KRT33A: variants seen among roughly 807,000 people sequenced by gnomAD.
The protein encoded by KRT33A is keratin, type I cuticular Ha3-I.
Under a neutral mutation model 41.1 loss-of-function variants are expected in KRT33A, and 44 were observed. That is an observed-to-expected ratio of 1.07 (90% CI 0.84 to 1.38). The LOEUF is 1.38. KRT33A is among the 40% of genes most tolerant of loss of function. KRT33A has a pLI of 0.00. For missense variants in KRT33A, 536 were observed against 518.5 expected, an observed-to-expected ratio of 1.03 and a Z score of -0.33; for synonymous variants, 229 against 227.8, an observed-to-expected ratio of 1.01 and a Z score of -0.05.
chr17:41,347,736 T>C (rs2017446379), intron 3 of KRT33A, among the ~76,000 whole-genome samples: 1 of 152,236 alleles, frequency 6.6e-6, no homozygotes, highest in African/African-American at 2.4e-5. Context: ...TCTGTTTACT[T>C]CCCTGCTAAG....
intron 1 of KRT33A, among the ~76,000 whole-genome samples, 153 bp from the exon 2 acceptor site, chr17:41,349,581 TTA>T (rs2017475701): frequency 6.6e-6 from 1 of 152,008 alleles, no homozygotes; most frequent in Non-Finnish European, 1.5e-5. Flanking sequence ...ATTTCCAAAA[TTA>T]TATTCAAAAA....
In KRT33A at chr17:41,350,782, G is replaced by A. The variant is rs900287712; in HGVS notation, c.-15C>T. 1.9e-6 allele frequency: 3 copies of A among 1,601,934 alleles called. No individual in the cohort carries two copies. Among genetic ancestry groups the A allele is most frequent in the Non-Finnish European group, 2.6e-6 (3 of 1,174,464 alleles). ...CTGTAAGACATGGTGCAGGGAGGGA[G>A]TGTCCAGCTGAAGACAGAGTCCAAA... On this transcript the variant is annotated 5_prime_UTR_variant, in exon 1 of 7. Coordinates refer to ENST00000007735, the MANE Select transcript of KRT33A (RefSeq NM_004138.4).
At chr17:41,346,411 C>G in intron 6 of KRT33A, 37 bp downstream of exon 6, 1 of 1,611,756 alleles carries the variant, frequency 6.2e-7, no homozygotes, top group Non-Finnish European at 8.5e-7. Flanking sequence ...AGCAACCTAA[C>G]ATGCCCCAAG....
In KRT33A at chr17:41,346,567, C is replaced by T. The variant is rs139567044; in HGVS notation, c.978G>A (p.Ala326=). 530 of 1,614,204 alleles carry T rather than the reference C, an allele frequency of 3.3e-4. 1 individual carries two copies. In the African/African-American group the frequency reaches 5.9e-3, roughly 18 times the overall value. Residue 326 remains alanine, a synonymous_variant, in exon 6 of 7, where the codon GCG becomes GCA. Coordinates refer to ENST00000007735, the MANE Select transcript of KRT33A (RefSeq NM_004138.4). ...RLITNVESQL[A]EIRSDLERQN... ...GCCGCTCCAGGTCACTGCGGATCTC[C>T]GCCAGCTGGGACTCCACGTTGGTGA...
chr17:41,349,328 C>T lies in KRT33A; in HGVS notation c.431+18G>A, dbSNP rs765115705. 6.2e-6 allele frequency: 10 copies of T among 1,612,874 alleles called. No homozygotes were observed. Among genetic ancestry groups the T allele is most frequent in the African/African-American group, 5.3e-5 (4 of 74,884 alleles). On this transcript the variant is annotated intron_variant, in intron 2 of 6. Coordinates refer to ENST00000007735, the MANE Select transcript of KRT33A (RefSeq NM_004138.4). ...CAGAGAAGAGAAATAAACAGCAACA[C>T]CCCGCTTGCCCACTCACTTGGTCCT...
At chr17:41,348,936 T>C (rs1423250801) in intron 2 of KRT33A, among the ~76,000 whole-genome samples, 1 of 152,030 alleles carries the variant, frequency 6.6e-6, no homozygotes, top group African/African-American at 2.4e-5. Context: ...ACCACTGCCC[T>C]CCAGCCTGGG....
rs200021364 is a variant in KRT33A, at chr17:41,350,455, A to G, written c.313T>C (p.Ser105Pro). The G allele has an allele frequency of 2.0e-5, 33 of 1,613,902 alleles. No individual in the cohort carries two copies. Among genetic ancestry groups the G allele is most frequent in the African/African-American group, 4.0e-5 (3 of 74,880 alleles). Residue 105 changes from serine (S) to proline (P), a missense_variant, in exon 1 of 7, where the codon TCC (serine) becomes CCC (proline). Ser to Pro is a moderately conservative substitution (Grantham distance 74). Transcript: ENST00000007735. ...QEPLVCASYQ[S>P]YFKTIEELQQ... ...AGCTCCTCAATGGTCTTGAAGTAGG[A>G]CTGGTAGCTGGCACACACCAAGGGC...
chr17:41,348,899 T>A lies in KRT33A; in HGVS notation c.432-260A>T, dbSNP rs7223041. ...TTGCTTGAGCCCAGGAGTCTGAGGA[T>A]CTGAAGTTACACTGAGCTATGATTG... On this transcript the variant is annotated intron_variant, in intron 2 of 6. Coordinates refer to ENST00000007735, the MANE Select transcript of KRT33A (RefSeq NM_004138.4). 0.12 allele frequency among the ~76,000 whole-genome samples: 18,420 copies of A among 152,054 alleles called. 1,537 individuals are homozygous for A. The highest frequency in any genetic ancestry group is 0.24 in the African/African-American group (10,113 of 41,448).
intron 3 of KRT33A, 82 bp from the exon 4 acceptor site, chr17:41,347,304 A>G: frequency 6.9e-7 from 1 of 1,456,256 alleles, no homozygotes; most frequent in South Asian, 1.5e-5. Context: ...ACTTCTGATC[A>G]TTCTTAAGCT....
intron 6 of KRT33A, 42 bp from the exon 7 acceptor site, chr17:41,346,278 G>T: frequency 6.3e-7 from 1 of 1,593,870 alleles, no homozygotes; most frequent in East Asian, 2.2e-5. Context: ...AGTAAAATGA[G>T]CTGAAGAGAT....
Position 41,348,516 on chromosome 17 carries a change from C to G in KRT33A, c.555G>C (p.Glu185Asp). The G allele has an allele frequency of 6.2e-7, 1 of 1,614,114 alleles. No individual in the cohort carries two copies. Among genetic ancestry groups the G allele is most frequent in the Non-Finnish European group, 8.5e-7 (1 of 1,180,030 alleles). ...DLEAQVESLK[E>D]ELLCLKQNHE... ...GGTTCTGCTTGAGGCACAGCAGCTCCTCCTTCAGGGACTCCACCTGGGCCT... is the reference window on the plus strand; with the variant it reads ...GGTTCTGCTTGAGGCACAGCAGCTCGTCCTTCAGGGACTCCACCTGGGCCT... The change falls in exon 3 of 7, where the codon GAG becomes GAC. Residue 185 changes from glutamate (E) to aspartate (D), a missense_variant. Coordinates refer to ENST00000007735, the MANE Select transcript of KRT33A (RefSeq NM_004138.4).
Position 41,348,499 on chromosome 17 carries a change from T to A in KRT33A, c.572A>T (p.Lys191Met). ...GGAACTCACCTGCTCATGGTTCTGC[T>A]TGAGGCACAGCAGCTCCTCCTTCAG... ...ESLKEELLCL[K>M]QNHEQEVNTL... is the part of the protein sequence containing the mutation. The change falls in exon 3 of 7, where the codon AAG becomes ATG. Residue 191 changes from lysine (K) to methionine (M), a missense_variant. Physicochemically the swap from Lys to Met is moderately conservative, Grantham distance 95. Transcript: ENST00000007735. The A allele has an allele frequency of 6.2e-7, 1 of 1,614,066 alleles. No individual in the cohort carries two copies. Among genetic ancestry groups the A allele is most frequent in the South Asian group, 1.1e-5 (1 of 91,068 alleles).
In KRT33A at chr17:41,347,201, G is replaced by A. The variant is rs1567664827; in HGVS notation, c.610C>T (p.Gln204Ter). The change falls in exon 4 of 7, where the codon CAG (glutamine) becomes TAG (stop). Residue 204 changes from glutamine to a stop codon, truncating the protein, a stop_gained. Coordinates refer to ENST00000007735, the MANE Select transcript of KRT33A (RefSeq NM_004138.4). LOFTEE classifies it high-confidence loss of function. Reference protein sequence around the residue: ...HEQEVNTLRCQLGDRLNVEVD... With the variant: ...HEQEVNTLRC ...TCCACGTTGAGGCGGTCTCCAAGCT[G>A]GCAGCGCAGGGTGTTAACCTCCTGA... is the stretch of plus-strand genomic sequence containing the variant. 5 of 1,612,072 alleles carry A rather than the reference G, an allele frequency of 3.1e-6. No homozygotes were observed. Among genetic ancestry groups the A allele is most frequent in the Non-Finnish European group, 3.4e-6 (4 of 1,179,400 alleles).
intron 4 of KRT33A, 26 bp from the exon 5 acceptor site, chr17:41,346,995 T>C (rs761734756): frequency 1.2e-6 from 2 of 1,613,166 alleles, no homozygotes; most frequent in East Asian, 4.5e-5. Context: ...GGAGAAAGGA[T>C]CAGACCCTGC....
chr17:41,346,313 G>A, intron 6 of KRT33A, 77 bp from the exon 7 acceptor site: 1 of 1,571,470 alleles, frequency 6.4e-7, no homozygotes, highest in Non-Finnish European at 8.7e-7. Context: ...AGGGCTTTGT[G>A]TAAGAATATT....
Position 41,350,742 on chromosome 17 carries a change from C to A in KRT33A, c.26G>T (p.Ser9Ile), listed in dbSNP as rs763991840. 3.7e-6 allele frequency: 6 copies of A among 1,611,762 alleles called. No individual in the cohort carries two copies. Among genetic ancestry groups the A allele is most frequent in the South Asian group, 2.2e-5 (2 of 90,970 alleles). The change falls in exon 1 of 7, where the codon AGC becomes ATC. Residue 9 changes from serine (S) to isoleucine (I), a missense_variant. Ser to Ile is a moderately radical substitution (Grantham distance 142, BLOSUM62 -2). Transcript: ENST00000007735. MSYSCGLPSLSCRTSCSSR... is the reference protein window; with the variant it reads MSYSCGLPILSCRTSCSSR... ...GGAGCAGCTGGTGCGGCAGCTCAGG[C>A]TGGGCAGGCCACAACTGTAAGACAT...
rs767231688 is a variant in KRT33A, at chr17:41,346,620, A to C, written c.925T>G (p.Ser309Ala). ...AGTCTCTGCACCTGGGACAGCTGGG[A>C]GCTGTAGCGGGCCTCGCTCTCTGTC... The part of the protein sequence containing the change: ...TLTESEARYS[S>A]QLSQVQRLIT... Residue 309 changes from serine (S) to alanine (A), a missense_variant, in exon 6 of 7, where the codon TCC becomes GCC. Ser to Ala is a moderately conservative substitution (Grantham distance 99). Transcript: ENST00000007735. The C allele has an allele frequency of 2.5e-5, 41 of 1,614,066 alleles. No individual in the cohort carries two copies. The Admixed American group carries it at 3.5e-4, about 14-fold the overall frequency.
intron 3 of KRT33A, among the ~76,000 whole-genome samples, chr17:41,348,171 G>T (rs1353778252): frequency 6.6e-6 from 1 of 152,212 alleles, no homozygotes; most frequent in Non-Finnish European, 1.5e-5. Flanking sequence ...TACAAATGGA[G>T]AATTGGAATA....
Position 41,348,523 on chromosome 17 carries a change from A to G in KRT33A, c.548T>C (p.Leu183Pro). Residue 183 changes from leucine (L) to proline (P), a missense_variant, in exon 3 of 7, where the codon CTG becomes CCG. Leu to Pro is a moderately conservative substitution (Grantham distance 98, BLOSUM62 -3). Coordinates refer to ENST00000007735, the MANE Select transcript of KRT33A (RefSeq NM_004138.4). ...CTTGAGGCACAGCAGCTCCTCCTTC[A>G]GGGACTCCACCTGGGCCTCCAGGTC... The part of the protein sequence containing the change: ...RSDLEAQVES[L>P]KEELLCLKQN... 2 of 1,613,970 alleles carry G rather than the reference A, an allele frequency of 1.2e-6. No individual in the cohort carries two copies. Among genetic ancestry groups the G allele is most frequent in the Non-Finnish European group, 1.7e-6 (2 of 1,179,992 alleles).
Sources: gnomAD v4.1 joint callset for allele counts (sites outside exome capture counted in the v4.1 genomes callset) on GRCh38, gnomAD v4.1.1 for gene constraint, MANE v1.5 for transcripts, NCBI Gene and HGNC (gene_info 2026-07-23, HGNC 2026-07-21) for gene names.